CDH8: variants seen among roughly 807,000 people sequenced by gnomAD.
The protein encoded by CDH8 is cadherin 8.
Under a neutral mutation model 68.1 loss-of-function variants are expected in CDH8, and 17 were observed. The ratio of observed to expected loss-of-function variants is 0.25; its 90% CI spans 0.17 to 0.37. The LOEUF (loss-of-function observed/expected upper bound fraction) is 0.37. CDH8 is among the 10% of genes least tolerant of loss of function. The pLI, the probability that CDH8 is intolerant of heterozygous loss-of-function variation, is 1.00. For synonymous variants in CDH8, 372 were observed against 365.1 expected (o/e 1.02, Z -0.21); for missense variants, 763 against 999.3 (o/e 0.76, Z 3.19).
chr16:61,818,974 G>A (rs1022708864), intron 6 of CDH8, among the ~76,000 whole-genome samples: 2 of 147,490 alleles, frequency 1.4e-5, no homozygotes, highest in African/African-American at 5.1e-5. Context: ...AGTAAACCAG[G>A]CAGGCACTCA....
chr16:61,687,520 T>C (rs562686531), intron 10 of CDH8, among the ~76,000 whole-genome samples: 1 of 152,104 alleles, frequency 6.6e-6, no homozygotes, highest in Non-Finnish European at 1.5e-5. Context: ...ATTATAAAGG[T>C]CTTGATGCCT....
intron 2 of CDH8, among the ~76,000 whole-genome samples, chr16:61,904,066 A>C (rs2143283290): frequency 6.6e-6 from 1 of 152,278 alleles, no homozygotes; most frequent in East Asian, 1.9e-4. Context: ...AACACAATAT[A>C]TGTATGTTCA....
At chr16:61,921,251 T>C (rs1423441788) in intron 2 of CDH8, among the ~76,000 whole-genome samples, 1 of 116,772 alleles carries the variant, frequency 8.6e-6, no homozygotes, top group Non-Finnish European at 1.7e-5. Context: ...ACTTAAAGTA[T>C]AATAATAATA....
At chr16:61,687,636 TA>T (rs1419159828) in intron 10 of CDH8, among the ~76,000 whole-genome samples, 1 of 152,034 alleles carries the variant, frequency 6.6e-6, no homozygotes, top group Non-Finnish European at 1.5e-5. Flanking sequence ...CCTAATCTGC[TA>T]TAAGAAACAC....
intron 1 of CDH8, among the ~76,000 whole-genome samples, chr16:62,027,730 G>C (rs1168386933): frequency 6.6e-6 from 1 of 152,170 alleles, no homozygotes; most frequent in Non-Finnish European, 1.5e-5. Context: ...GGCTGAATGG[G>C]GCTGAGCAGG....
At chr16:62,016,137 A>G (rs76943144) in intron 2 of CDH8, among the ~76,000 whole-genome samples, 4,096 of 152,260 alleles carry the variant, frequency 0.027, 80 homozygotes, top group Non-Finnish European at 0.04. Context: ...TCCTTTGGGA[A>G]GATTCCATCC....
chr16:61,857,715 T>A (rs2143015967), intron 3 of CDH8, among the ~76,000 whole-genome samples: 1 of 152,282 alleles, frequency 6.6e-6, no homozygotes, highest in Admixed American at 6.5e-5. Flanking sequence ...GAATATAAAA[T>A]TAGATCTGAG....
Position 61,651,986 on chromosome 16 carries a change from G to GA in CDH8, c.*1621dup, listed in dbSNP as rs566131907. On this transcript the variant is annotated 3_prime_UTR_variant, in exon 12 of 12. Coordinates refer to ENST00000577390, the MANE Select transcript of CDH8 (RefSeq NM_001796.5). ...TCTGTTAATAGATCTTCCACTGATT[G>GA]AAAAAAAAATTAATGACAACAAAGG... is the stretch of plus-strand genomic sequence containing the variant. 20,046 of 682,150 alleles carry GA rather than the reference G, an allele frequency of 0.029. 297 individuals carry two copies. The highest frequency in any genetic ancestry group is 0.033 in the Non-Finnish European group (18,270 of 554,606). The allele number at this position is 682,150 out of a possible 1,614,324, so 42.3% of individuals were successfully genotyped here.
rs562076655 is a variant in CDH8, at chr16:61,979,126, G to A, written c.252+42026C>T. ...CAGAGCCAGAAACAACGGGCCAGAA[G>A]TAAAAGTCTCTTCTGTAAGGTAGGC... On this transcript the variant is annotated intron_variant, in intron 2 of 11. Coordinates refer to ENST00000577390, the MANE Select transcript of CDH8 (RefSeq NM_001796.5). 4.8e-4 allele frequency among the ~76,000 whole-genome samples: 73 copies of A among 151,414 alleles called. 1 individual carries two copies. Among genetic ancestry groups the A allele is most frequent in the African/African-American group, 1.6e-3 (68 of 41,314 alleles).
intron 10 of CDH8, among the ~76,000 whole-genome samples, chr16:61,661,675 TC>T (rs1306937045): frequency 1.3e-5 from 2 of 151,454 alleles, no homozygotes; most frequent in African/African-American, 4.8e-5. Flanking sequence ...TTTTTCACCA[TC>T]AGCCATATAA....
At chr16:61,980,274 T>G (rs1161881158) in intron 2 of CDH8, among the ~76,000 whole-genome samples, 2 of 152,132 alleles carry the variant, frequency 1.3e-5, no homozygotes, top group East Asian at 1.9e-4. Context: ...GGACTACAAA[T>G]TAAATTCAAA....
chr16:61,795,399 G>A (rs911405842), intron 7 of CDH8, among the ~76,000 whole-genome samples: 91 of 152,164 alleles, frequency 6.0e-4, no homozygotes, highest in Non-Finnish European at 1.8e-4. Context: ...AGAGTCTTCA[G>A]TGGAATCTCA....
chr16:61,921,348 T>C (rs775409355), intron 2 of CDH8, among the ~76,000 whole-genome samples: 1 of 152,000 alleles, frequency 6.6e-6, no homozygotes. Context: ...TAAAACCTCA[T>C]GTTCTTGAAA....
intron 7 of CDH8, among the ~76,000 whole-genome samples, chr16:61,807,409 A>C (rs1416275152): frequency 6.6e-6 from 1 of 151,962 alleles, no homozygotes; most frequent in Non-Finnish European, 1.5e-5. Flanking sequence ...CCAGCATGGC[A>C]CATGTATACA....
intron 2 of CDH8, among the ~76,000 whole-genome samples, chr16:61,907,951 G>A (rs923757846): frequency 6.7e-6 from 1 of 150,210 alleles, no homozygotes; most frequent in Admixed American, 6.7e-5. Context: ...GCTGAGGCAG[G>A]AGAATGGTGT....
At chr16:61,982,079 G>A (rs1031009068) in intron 2 of CDH8, among the ~76,000 whole-genome samples, 4 of 152,138 alleles carry the variant, frequency 2.6e-5, no homozygotes, top group Admixed American at 6.5e-5. Context: ...TGCGTCATAT[G>A]TGTTGAATAA....
intron 8 of CDH8, among the ~76,000 whole-genome samples, chr16:61,789,134 T>C (rs532167187): frequency 6.6e-6 from 1 of 152,248 alleles, no homozygotes; most frequent in Admixed American, 6.6e-5. Context: ...ATAAGAATGT[T>C]TCCTTCTCAC....
chr16:61,831,281 G>A (rs751862006), intron 4 of CDH8, among the ~76,000 whole-genome samples: 4 of 151,824 alleles, frequency 2.6e-5, no homozygotes, highest in Non-Finnish European at 5.9e-5. Flanking sequence ...GCACTGGGGA[G>A]TAGAAGATTA....
At chr16:61,679,278 C>A (rs915559982) in intron 10 of CDH8, among the ~76,000 whole-genome samples, 2 of 151,952 alleles carry the variant, frequency 1.3e-5, no homozygotes, top group African/African-American at 4.8e-5. Flanking sequence ...TAGTTCACAG[C>A]CAAAATCAGC....
Sources: gnomAD v4.1 joint callset for allele counts (sites outside exome capture counted in the v4.1 genomes callset) on GRCh38, gnomAD v4.1.1 for gene constraint, MANE v1.5 for transcripts, NCBI Gene and HGNC (gene_info 2026-07-23, HGNC 2026-07-21) for gene names.